Variants in CACNB2 observed in about 807,000 individuals in gnomAD.
CACNB2 encodes the protein calcium voltage-gated channel auxiliary subunit beta 2.
Under a neutral mutation model 73.3 loss-of-function variants are expected in CACNB2, and 42 were observed. That is an observed-to-expected ratio of 0.57 (90% CI 0.45 to 0.74). CACNB2 has a LOEUF of 0.74. Ranked by LOEUF, CACNB2 falls within the 30% of genes least tolerant of loss-of-function variation. The probability of loss-of-function intolerance (pLI) is 0.00; values close to 1 mark genes in which losing one functional copy is unlikely to be tolerated. For synonymous variants in CACNB2, 348 were observed against 310.3 expected (o/e 1.12, Z -1.28); for missense variants, 940 against 853.0 (o/e 1.10, Z -1.27).
chr10:18,443,057 A>C (rs889078996), intron 3 of CACNB2, among the ~76,000 whole-genome samples: 14 of 144,760 alleles, frequency 9.7e-5, no homozygotes, highest in African/African-American at 3.5e-4. Flanking sequence ...TTAACTATAC[A>C]TAATTTTCTG....
At chr10:18,370,918 T>C (rs1257551201) in intron 2 of CACNB2, among the ~76,000 whole-genome samples, 1 of 152,234 alleles carries the variant, frequency 6.6e-6, no homozygotes, top group Non-Finnish European at 1.5e-5. Context: ...TACACATGTA[T>C]ATGTCACATG....
intron 2 of CACNB2, among the ~76,000 whole-genome samples, chr10:18,203,088 T>C (rs1023148813): frequency 6.6e-6 from 1 of 152,206 alleles, no homozygotes; most frequent in African/African-American, 2.4e-5. Flanking sequence ...TTCTGCAATA[T>C]TCTGCAGTAC....
chr10:18,172,682 C>A (rs185357533), intron 2 of CACNB2, among the ~76,000 whole-genome samples: 1 of 152,020 alleles, frequency 6.6e-6, no homozygotes, highest in Non-Finnish European at 1.5e-5. Context: ...GCCTTCACTG[C>A]GAAAAGCCTA....
intron 2 of CACNB2, among the ~76,000 whole-genome samples, chr10:18,256,000 A>G (rs1210943479): frequency 6.6e-6 from 1 of 152,262 alleles, no homozygotes; most frequent in African/African-American, 2.4e-5. Flanking sequence ...GAAAGTGAAT[A>G]GTAAAGAAAC....
intron 2 of CACNB2, among the ~76,000 whole-genome samples, chr10:18,363,685 C>T (rs541830003): frequency 6.6e-6 from 1 of 152,174 alleles, no homozygotes; most frequent in South Asian, 2.1e-4. Flanking sequence ...AGTGTCTGAG[C>T]CAGAGGGTCT....
intron 10 of CACNB2, among the ~76,000 whole-genome samples, chr10:18,528,229 G>C (rs553326923): frequency 6.6e-6 from 1 of 152,082 alleles, no homozygotes; most frequent in Non-Finnish European, 1.5e-5. Flanking sequence ...GTCAATTCCT[G>C]GCTATATTTA....
At chr10:18,254,474 A>G (rs1483116251) in intron 2 of CACNB2, among the ~76,000 whole-genome samples, 1 of 152,178 alleles carries the variant, frequency 6.6e-6, no homozygotes, top group East Asian at 1.9e-4. Context: ...ATCTGCGTCT[A>G]GGTGGTAAAT....
At chr10:18,335,743 A>T (rs2040976304) in intron 2 of CACNB2, among the ~76,000 whole-genome samples, 1 of 150,910 alleles carries the variant, frequency 6.6e-6, no homozygotes. Flanking sequence ...CTTACCAAGG[A>T]CCTCAACAAA....
chr10:18,428,573 C>T (rs2045722899), intron 3 of CACNB2, among the ~76,000 whole-genome samples: 1 of 151,850 alleles, frequency 6.6e-6, no homozygotes, highest in South Asian at 2.1e-4. Flanking sequence ...GTAATCCCAG[C>T]TACTCTGGAG....
chr10:18,514,420 T>A, intron 7 of CACNB2, 51 bp downstream of exon 7: 1 of 1,613,840 alleles, frequency 6.2e-7, no homozygotes. Flanking sequence ...CTGCACTGCG[T>A]CACATTTCTA....
intron 2 of CACNB2, among the ~76,000 whole-genome samples, chr10:18,187,536 T>C (rs2034208424): frequency 6.6e-6 from 1 of 152,196 alleles, no homozygotes; most frequent in Non-Finnish European, 1.5e-5. Flanking sequence ...AAGGATTCTT[T>C]TTAGGAAAAC....
intron 4 of CACNB2, among the ~76,000 whole-genome samples, chr10:18,499,217 G>C (rs2050023179): frequency 6.6e-6 from 1 of 152,106 alleles, no homozygotes; most frequent in Admixed American, 6.6e-5. Flanking sequence ...TTTATACTTG[G>C]AGCTCTTCCA....
Position 18,265,149 on chromosome 10 carries a change from C to CTTTTT in CACNB2, c.213+114189_213+114193dup, listed in dbSNP as rs34442607. 2.3e-4 allele frequency among the ~76,000 whole-genome samples: 28 copies of CTTTTT among 120,926 alleles called. 2 individuals are homozygous for CTTTTT. The highest frequency in any genetic ancestry group is 2.2e-3 in the East Asian group (9 of 4,002). The allele number at this position is 120,926 out of a possible 152,430, so 79.3% of individuals were successfully genotyped here. A position where few individuals can be genotyped will look rare whatever the true frequency, so the allele number is the denominator to read the frequency against. ...TATTTATTGACCATTTGGCCATCTT[C>CTTTTT]TTTTTTTTTTTTTTTTTTTGAGATG... is the stretch of plus-strand genomic sequence containing the variant. On this transcript the variant is annotated intron_variant, in intron 2 of 13. Transcript: ENST00000324631.
intron 2 of CACNB2, among the ~76,000 whole-genome samples, chr10:18,252,182 G>C (rs760923984): frequency 5.9e-5 from 9 of 152,048 alleles, no homozygotes; most frequent in Non-Finnish European, 1.2e-4. Context: ...TGTTGCTATG[G>C]TGGGAAACCT....
chr10:18,465,862 G>A (rs888844194), intron 3 of CACNB2, among the ~76,000 whole-genome samples: 2 of 151,844 alleles, frequency 1.3e-5, no homozygotes, highest in Non-Finnish European at 2.9e-5. Context: ...TGTATTTTTA[G>A]TAGAGACAGG....
intron 1 of CACNB2, among the ~76,000 whole-genome samples, chr10:18,146,087 C>T (rs1331330): frequency 0.49 from 74,339 of 151,882 alleles, 18,476 homozygotes; most frequent in African/African-American, 0.57. Flanking sequence ...CAACTTACTT[C>T]TCTCTTTTTT....
chr10:18,332,626 A>G (rs1461976862), intron 2 of CACNB2, among the ~76,000 whole-genome samples: 1 of 152,186 alleles, frequency 6.6e-6, no homozygotes, highest in South Asian at 2.1e-4. Context: ...GGTCAGAGAA[A>G]GGCTGGGAGA....
In CACNB2 at chr10:18,543,450, GAC is replaced by G. The variant is rs2054145829; in HGVS notation, c.*3730_*3731del. On this transcript the variant is annotated 3_prime_UTR_variant, in exon 14 of 14. Coordinates refer to ENST00000324631, the MANE Select transcript of CACNB2 (RefSeq NM_201596.3). ...TACTTTGCTTCATTATTTAAAACAT[GAC>G]ACAGGGTTTTAAAGTAAATGTACTC... 6.6e-6 allele frequency: 1 copy of G among 152,158 alleles called. No homozygotes were observed. The highest frequency in any genetic ancestry group is 2.4e-5 in the African/African-American group (1 of 41,458). 9.4% of individuals were successfully genotyped at this position (152,158 alleles called of 1,614,324 possible).
At chr10:18,336,146 T>C (rs998563799) in intron 2 of CACNB2, among the ~76,000 whole-genome samples, 1 of 152,158 alleles carries the variant, frequency 6.6e-6, no homozygotes, top group Non-Finnish European at 1.5e-5. Context: ...CAAACAAATA[T>C]AGATTGAATA....
Sources: allele counts gnomAD v4.1 joint callset (sites outside exome capture counted in the v4.1 genomes callset), GRCh38; gene constraint gnomAD v4.1.1; transcripts MANE v1.5; gene names NCBI Gene and HGNC (gene_info 2026-07-23, HGNC 2026-07-21).